The following PCDH19 variants were observed in gnomAD, a reference collection of about 807,000 sequenced individuals.
PCDH19 encodes the protein protocadherin 19.
Under a neutral mutation model 46.2 loss-of-function variants are expected in PCDH19, and 6 were observed. The ratio of observed to expected loss-of-function variants is 0.13; its 90% CI spans 0.07 to 0.26. PCDH19 has a LOEUF of 0.26. Among genes scored for constraint, PCDH19 ranks in the 10% least tolerant of loss-of-function variants. The pLI is 1.00. For synonymous variants in PCDH19, 481 were observed against 415.7 expected (o/e 1.16, Z -1.91); for missense variants, 740 against 972.3 (o/e 0.76, Z 3.18).
chrX:100,335,963 G>A (rs925400428), intron 5 of PCDH19, among the ~76,000 whole-genome samples: 1 of 112,136 alleles, frequency 8.9e-6, no homozygotes. Flanking sequence ...GTCTCTATAT[G>A]AGCAAAACTG....
At position 100,407,230 on chromosome X, in the gene PCDH19, G is replaced by A. The variant is rs1348708910; in HGVS notation, c.1368C>T (p.Pro456=). 1.7e-6 allele frequency: 2 copies of A among 1,211,763 alleles called. No individual in the cohort carries two copies. Among genetic ancestry groups the A allele is most frequent in the Non-Finnish European group, 2.2e-6 (2 of 895,508 alleles). ...TCTCCTGCACAATGACCTGGTAGTA[G>A]GGCTTGGAAAAGTGCGGGTGGTTGT... ...ENDNHPHFSK[P]YYQVIVQENN... is the part of the protein sequence containing the mutation. The change falls in exon 1 of 6, where the codon CCC becomes CCT. Residue 456 remains proline (P), a synonymous_variant. Coordinates refer to ENST00000373034, the MANE Select transcript of PCDH19 (RefSeq NM_001184880.2).
At position 100,359,809 on chromosome X, in the gene PCDH19, G is replaced by T. The variant is rs907026700; in HGVS notation, c.2617-9105C>A. Among the ~76,000 whole-genome samples, 3 of 105,619 alleles carry T rather than the reference G, an allele frequency of 2.8e-5. No homozygotes were observed. The South Asian group carries it at 1.3e-3, about 46-fold the overall frequency. The allele number at this position is 105,619 out of a possible 115,157, so 91.7% of individuals were successfully genotyped here. ...CATATAAGAGTGTGTGTGTGTGTGT[G>T]TATGTGTGTGTGTGTGTGTCTGTGT... On this transcript the variant is annotated intron_variant, in intron 3 of 5. Coordinates refer to ENST00000373034, the MANE Select transcript of PCDH19 (RefSeq NM_001184880.2).
chrX:100,354,359 ATCT>A (rs1926653456), intron 3 of PCDH19, among the ~76,000 whole-genome samples: 1 of 112,171 alleles, frequency 8.9e-6, no homozygotes, highest in East Asian at 2.8e-4. Flanking sequence ...TCATCTCAGA[ATCT>A]TCTTCTTGTA....
At chrX:100,405,134 T>A (rs761625068) in intron 1 of PCDH19, among the ~76,000 whole-genome samples, 10 of 112,434 alleles carry the variant, frequency 8.9e-5, no homozygotes, top group African/African-American at 2.9e-4. Flanking sequence ...GGCTGTTACA[T>A]ATTCAGGGGG....
At chrX:100,376,626 T>C (rs781697305) in intron 3 of PCDH19, among the ~76,000 whole-genome samples, 2 of 111,571 alleles carry the variant, frequency 1.8e-5, no homozygotes, top group Non-Finnish European at 3.8e-5. Context: ...AGTGCTCTGG[T>C]TGAATTGGCA....
chrX:100,396,175 G>A (rs768117220), intron 3 of PCDH19, among the ~76,000 whole-genome samples: 5 of 112,084 alleles, frequency 4.5e-5, no homozygotes, highest in African/African-American at 6.5e-5. Flanking sequence ...TCTGAAACTC[G>A]AGGCAGACGC....
rs927205094 is a variant in PCDH19 at position 100,407,754 on chromosome X, T to C, written c.844A>G (p.Asn282Asp). 1.7e-6 allele frequency: 2 copies of C among 1,211,097 alleles called. No individual in the cohort carries two copies. Among genetic ancestry groups the C allele is most frequent in the Non-Finnish European group, 2.2e-6 (2 of 895,448 alleles). The change falls in exon 1 of 6, where the codon AAC becomes GAC. Residue 282 changes from asparagine (N) to aspartate (D), a missense_variant. Asn to Asp is a conservative substitution (Grantham distance 23, BLOSUM62 1). This residue lies in a region of PCDH19 where 186 missense variants were observed against 319.9 expected (regional missense o/e 0.58). Coordinates refer to ENST00000373034, the MANE Select transcript of PCDH19 (RefSeq NM_001184880.2). Reference sequence around the variant, plus strand: ...TGAAAGAGCTCGCGCGTGCGGTCGTTGACGTAGCCATAGAAGGAGTAGACC... The same window carrying C: ...TGAAAGAGCTCGCGCGTGCGGTCGTCGACGTAGCCATAGAAGGAGTAGACC... ...QVVYSFYGYVNDRTRELFQID... is the reference protein window; with the variant it reads ...QVVYSFYGYVDDRTRELFQID...
At chrX:100,312,648 T>TATGC (rs1384402483) in intron 5 of PCDH19, among the ~76,000 whole-genome samples, 1 of 111,782 alleles carries the variant, frequency 8.9e-6, no homozygotes, top group African/African-American at 3.2e-5. Flanking sequence ...GAAGGCACCC[T>TATGC]ATGCTTGTCC....
At chrX:100,403,936 C>T (rs972596905) in intron 1 of PCDH19, among the ~76,000 whole-genome samples, 5 of 112,102 alleles carry the variant, frequency 4.5e-5, no homozygotes, top group Non-Finnish European at 9.4e-5. Context: ...ATCAGCAAAA[C>T]AATAGGGTTA....
chrX:100,309,668 T>TGTTTTAAA (rs1925071002), intron 5 of PCDH19, among the ~76,000 whole-genome samples: 1 of 111,470 alleles, frequency 9.0e-6, no homozygotes, highest in African/African-American at 3.3e-5. Context: ...TTAAAAACAC[T>TGTTTTAAA]AGAAATGTCT....
chrX:100,317,081 T>C (rs1226560559), intron 5 of PCDH19, among the ~76,000 whole-genome samples: 1 of 111,521 alleles, frequency 9.0e-6, no homozygotes, highest in Non-Finnish European at 1.9e-5. Flanking sequence ...TAAGAAGCTA[T>C]AATACAGTAT....
At chrX:100,307,654 G>A (rs1255548407) in intron 5 of PCDH19, among the ~76,000 whole-genome samples, 1 of 110,799 alleles carries the variant, frequency 9.0e-6, no homozygotes, top group Non-Finnish European at 1.9e-5. Flanking sequence ...ACCCTAACGA[G>A]TCATCCAAAA....
intron 3 of PCDH19, among the ~76,000 whole-genome samples, chrX:100,362,374 ACT>A (rs1926912711): frequency 9.0e-6 from 1 of 110,761 alleles, no homozygotes. Flanking sequence ...TCATTTCTTA[ACT>A]GTGTGTGTGT....
chrX:100,362,341 C>T (rs1179096827), intron 3 of PCDH19, among the ~76,000 whole-genome samples: 2 of 111,394 alleles, frequency 1.8e-5, no homozygotes, highest in African/African-American at 3.3e-5. Context: ...CGGGGCTAAA[C>T]CAGTAGAAAC....
In PCDH19 at chrX:100,407,845, C is replaced by A; in HGVS notation, c.753G>T (p.Ser251=). Residue 251 remains serine (S), a synonymous_variant, in exon 1 of 6, where the codon TCG becomes TCT. Coordinates refer to ENST00000373034, the MANE Select transcript of PCDH19 (RefSeq NM_001184880.2). ...GGCGGATGACGGGTGTGTTGGGAGG[C>A]GAGTTTTCTGGCACGCTCACCGCGT... ...STYAVSVPEN[S]PPNTPVIRLN... The A allele has an allele frequency of 8.2e-7, 1 of 1,212,140 alleles. No homozygotes were observed. The highest frequency in any genetic ancestry group is 1.7e-5 in the African/African-American group (1 of 57,942).
At chrX:100,350,515 T>C (rs764711568) in intron 4 of PCDH19, 131 bp downstream of exon 4, 109 of 508,041 alleles carry the variant, frequency 2.1e-4, no homozygotes, top group South Asian at 9.3e-4. Flanking sequence ...TTTCCAAACT[T>C]TCTACAAATA....
chrX:100,346,172 G>A (rs1926392201), intron 4 of PCDH19, among the ~76,000 whole-genome samples: 1 of 111,942 alleles, frequency 8.9e-6, no homozygotes, highest in South Asian at 3.7e-4. Context: ...GTTCTGCACA[G>A]AAGAGTTACT....
intron 3 of PCDH19, among the ~76,000 whole-genome samples, chrX:100,375,090 A>G (rs1200795608): frequency 8.9e-6 from 1 of 112,447 alleles, no homozygotes; most frequent in Non-Finnish European, 1.9e-5. Context: ...GTCTGTGTCT[A>G]GATGTTCATA....
intron 5 of PCDH19, among the ~76,000 whole-genome samples, chrX:100,331,805 G>T (rs942642610): frequency 9.0e-6 from 1 of 111,581 alleles, no homozygotes; most frequent in African/African-American, 3.3e-5. Flanking sequence ...CTTCTGCCAC[G>T]ACTGTAAGTT....
Sources: gnomAD v4.1 joint callset for allele counts (sites outside exome capture counted in the v4.1 genomes callset) on GRCh38, gnomAD v4.1.1 for gene constraint, gnomAD v4.1.1 regional missense constraint, MANE v1.5 for transcripts, NCBI Gene and HGNC (gene_info 2026-07-23, HGNC 2026-07-21) for gene names.